Variants in SYMPK observed in about 807,000 individuals in gnomAD.
SYMPK encodes the protein symplekin.
In SYMPK, 49 loss-of-function variants were observed where a neutral mutation model predicts 136.4. The observed-to-expected ratio is 0.36, with a 90% confidence interval of 0.29 to 0.46. SYMPK has a LOEUF of 0.46. Ranked by LOEUF, SYMPK falls within the 20% of genes least tolerant of loss-of-function variation. The pLI, the probability that SYMPK is intolerant of heterozygous loss-of-function variation, is 1.00. For missense variants in SYMPK, 1,365 were observed against 1,690.0 expected (o/e 0.81, Z 3.37); for synonymous variants, 766 against 713.0 (o/e 1.07, Z -1.19).
At chr19:45,837,830 A>G (rs1289825022) in intron 10 of SYMPK, among the ~76,000 whole-genome samples, 1 of 151,524 alleles carries the variant, frequency 6.6e-6, no homozygotes, top group Non-Finnish European at 1.5e-5. Flanking sequence ...AAAGAGGTTC[A>G]CTCCCAGGTT....
rs771313753 is a variant in SYMPK at position 45,848,020 on chromosome 19, G to T, written c.427-19C>A. ...CCATCCACTGCCAGCAGGCCAGGAA[G>T]GAATGGAAGAGACACACAAAGAGGT... On this transcript the variant is annotated intron_variant, in intron 6 of 26. Coordinates refer to ENST00000245934, the MANE Select transcript of SYMPK (RefSeq NM_004819.3). 6.4e-7 allele frequency: 1 copy of T among 1,559,444 alleles called. No homozygotes were observed. The highest frequency in any genetic ancestry group is 8.7e-7 in the Non-Finnish European group (1 of 1,146,156).
chr19:45,854,618 T>G, intron 1 of SYMPK, 111 bp from the exon 2 acceptor site: 1 of 829,626 alleles, frequency 1.2e-6, no homozygotes, highest in Non-Finnish European at 1.9e-6. Context: ...TCCCAGGCTG[T>G]TCCTCCCCAG....
chr19:45,848,041 G>T (rs759657933), intron 6 of SYMPK, 40 bp from the exon 7 acceptor site: 1 of 1,545,894 alleles, frequency 6.5e-7, no homozygotes, highest in Non-Finnish European at 8.8e-7. Flanking sequence ...GACACACAAA[G>T]AGGTGAAGAC....
chr19:45,829,160 C>A lies in SYMPK; in HGVS notation c.1795G>T (p.Gly599Cys). 1 of 1,614,124 alleles carries A rather than the reference C, an allele frequency of 6.2e-7. No homozygotes were observed. Among genetic ancestry groups the A allele is most frequent in the Middle Eastern group, 1.6e-4 (1 of 6,062 alleles). ...AAGGACAGGACCTCCGCCTTCAGGC[C>A]CGAGTTGAACTGTGTCACCAGGCTG... is the stretch of plus-strand genomic sequence containing the variant. ...LASLVTQFNS[G>C]LKAEVLSFIL... is the part of the protein sequence containing the mutation. Residue 599 changes from glycine (G) to cysteine (C), a missense_variant, in exon 14 of 27, where the codon GGC (glycine) becomes TGC (cysteine). This residue lies in a region of SYMPK where 303 missense variants were observed against 326.6 expected (regional missense o/e 0.93). Transcript: ENST00000245934.
At chr19:45,847,625 C>T in intron 7 of SYMPK, 127 bp downstream of exon 7, 1 of 1,186,980 alleles carries the variant, frequency 8.4e-7, no homozygotes, top group East Asian at 2.5e-5. Context: ...CACCAGGGAT[C>T]TTAACTACTG....
intron 9 of SYMPK, among the ~76,000 whole-genome samples, chr19:45,841,677 G>A (rs1971440915): frequency 6.6e-6 from 1 of 152,116 alleles, no homozygotes; most frequent in African/African-American, 2.4e-5. Context: ...AAATCTTAAA[G>A]TTAAGAAAAG....
rs1269985378 is a variant in SYMPK at position 45,837,539 on chromosome 19, C to T, written c.1242+922G>A. Among the ~76,000 whole-genome samples, 5 of 150,816 alleles carry T rather than the reference C, an allele frequency of 3.3e-5. No individual in the cohort carries two copies. The East Asian group carries it at 9.9e-4, about 30-fold the overall frequency. ...GGCTGAGGCAAGAGAATCACTTGAA[C>T]CCGGGAGGCGGAGATTACAGTGAGC... is the stretch of plus-strand genomic sequence containing the variant. On this transcript the variant is annotated intron_variant, in intron 10 of 26. Coordinates refer to ENST00000245934, the MANE Select transcript of SYMPK (RefSeq NM_004819.3).
rs371203589 is a variant in SYMPK at position 45,827,635 on chromosome 19, G to A, written c.2068-12C>T. The A allele has an allele frequency of 6.2e-6, 10 of 1,611,640 alleles. No homozygotes were observed. Among genetic ancestry groups the A allele is most frequent in the Non-Finnish European group, 8.5e-6 (10 of 1,177,760 alleles). On this transcript the variant is annotated splice_polypyrimidine_tract_variant and intron_variant, in intron 15 of 26. Transcript: ENST00000245934. ...AGATAGGTGCGACTCTGCAGCAAAA[G>A]GAAAGGGACCCGAGCTCAGCCCACC...
At position 45,821,316 on chromosome 19, in the gene SYMPK, T is replaced by C; in HGVS notation, c.2893+68A>G. 8.6e-7 allele frequency: 1 copy of C among 1,167,580 alleles called. No individual in the cohort carries two copies. The highest frequency in any genetic ancestry group is 1.3e-6 in the Non-Finnish European group (1 of 777,950). The allele number at this position is 1,167,580 out of a possible 1,614,324, so 72.3% of individuals were successfully genotyped here. ...CTTGGCAGATTCCAGTGGGGGCATG[T>C]GGGTGACTGAGGTCCTGCCCTGGCG... On this transcript the variant is annotated intron_variant, in intron 22 of 26. Coordinates refer to ENST00000245934, the MANE Select transcript of SYMPK (RefSeq NM_004819.3). The surrounding 1 kb of genome is among the most constrained non-coding windows in gnomAD (Gnocchi z 4.4).
rs1325067352 is a variant in SYMPK, at chr19:45,821,951, C to A, written c.2792-466G>T. On this transcript the variant is annotated intron_variant, in intron 21 of 26. Transcript: ENST00000245934. The surrounding 1 kb of genome is among the most constrained non-coding windows in gnomAD (Gnocchi z 4.4). ...AGTGGAGGGGAGGCTGGTGGAGTGGCTCTTTGCTGCTGCTATTTTGATGGT... is the reference window on the plus strand; with the variant it reads ...AGTGGAGGGGAGGCTGGTGGAGTGGATCTTTGCTGCTGCTATTTTGATGGT... 6.6e-6 allele frequency among the ~76,000 whole-genome samples: 1 copy of A among 152,012 alleles called. No homozygotes were observed. The highest frequency in any genetic ancestry group is 1.5e-5 in the Non-Finnish European group (1 of 67,992).
Position 45,816,185 on chromosome 19 carries a change from TG to T in SYMPK, c.3355-3del. The T allele has an allele frequency of 6.6e-7, 1 of 1,524,146 alleles. No individual in the cohort carries two copies. The allele number at this position is 1,524,146 out of a possible 1,614,324, so 94.4% of individuals were successfully genotyped here. ...CAAGGTCAGGGGCTCCAGATCATCC[TG>T]GGGATAGGGAGGGCCACACAGAAGC... On this transcript the variant is annotated splice_region_variant and splice_polypyrimidine_tract_variant and intron_variant, in intron 25 of 26. Coordinates refer to ENST00000245934, the MANE Select transcript of SYMPK (RefSeq NM_004819.3).
At chr19:45,817,020 C>A (rs76310850) in intron 23 of SYMPK, 46 bp from the exon 24 acceptor site, 1 of 1,526,358 alleles carries the variant, frequency 6.6e-7, no homozygotes, top group African/African-American at 1.4e-5. Flanking sequence ...ACACAGGCAT[C>A]CCCCCGAGCC....
intron 1 of SYMPK, among the ~76,000 whole-genome samples, chr19:45,861,303 G>C (rs1189947498): frequency 2.6e-5 from 4 of 151,856 alleles, no homozygotes; most frequent in Non-Finnish European, 5.9e-5. Flanking sequence ...CTGCTTTTTG[G>C]TTTATGCTTT....
chr19:45,817,454 G>GTT (rs1970780336), intron 23 of SYMPK, among the ~76,000 whole-genome samples: 1 of 120,238 alleles, frequency 8.3e-6, no homozygotes. Context: ...TTGAGAGATG[G>GTT]TCTTACTCTG....
intron 3 of SYMPK, 149 bp downstream of exon 3, chr19:45,854,026 C>CT (rs1287612985): frequency 1.4e-6 from 1 of 738,154 alleles, no homozygotes; most frequent in Non-Finnish European, 2.3e-6. Flanking sequence ...TTCATGAGAA[C>CT]TAGAAGAGCA....
chr19:45,838,973 G>C (rs992442119), intron 9 of SYMPK, among the ~76,000 whole-genome samples: 1 of 152,112 alleles, frequency 6.6e-6, no homozygotes, highest in African/African-American at 2.4e-5. Context: ...TGTAACCTCC[G>C]CCTCCCAGGT....
chr19:45,854,879 C>CTTTTTCTT (rs1971783707), intron 1 of SYMPK: 1 of 153,756 alleles, frequency 6.5e-6, no homozygotes, highest in Non-Finnish European at 1.4e-5. Flanking sequence ...AGCAAACTTT[C>CTTTTTCTT]TTTTTTTTTT....
rs559292104 is a variant in SYMPK, at chr19:45,825,313, G to A, written c.2348C>T (p.Thr783Met). 1.8e-5 allele frequency: 29 copies of A among 1,613,888 alleles called. No homozygotes were observed. Among genetic ancestry groups the A allele is most frequent in the East Asian group, 6.7e-5 (3 of 44,886 alleles). ...DKDTEVAAPW[T>M]EETVKQCLYL... ...CAGACACTGCTTCACTGTCTCCTCCGTCCAGGGTGCTGCCACCTCTGACAG... is the reference window on the plus strand; with the variant it reads ...CAGACACTGCTTCACTGTCTCCTCCATCCAGGGTGCTGCCACCTCTGACAG... The change falls in exon 18 of 27, where the codon ACG (threonine) becomes ATG (methionine). Residue 783 changes from threonine (T) to methionine (M), a missense_variant. By Grantham distance (81) the Thr-to-Met change is moderately conservative. This residue lies in a region of SYMPK where 92 missense variants were observed against 198.6 expected (regional missense o/e 0.46). Transcript: ENST00000245934.
At chr19:45,853,866 T>C (rs921815356) in intron 3 of SYMPK, among the ~76,000 whole-genome samples, 1 of 152,140 alleles carries the variant, frequency 6.6e-6, no homozygotes, top group Admixed American at 6.6e-5. Flanking sequence ...AATGCAATGA[T>C]GAAGAGTGTA....
Sources: allele counts gnomAD v4.1 joint callset (sites outside exome capture counted in the v4.1 genomes callset), GRCh38; gene constraint gnomAD v4.1.1; regional missense constraint gnomAD v4.1.1; non-coding constraint Gnocchi (gnomAD v3.1); transcripts MANE v1.5; gene names NCBI Gene and HGNC (gene_info 2026-07-23, HGNC 2026-07-21).